MBD2: variants seen among roughly 807,000 people sequenced by gnomAD.
MBD2 encodes the protein methyl-CpG-binding domain protein 2.
MBD2 carries 9 observed loss-of-function variants against 39.3 expected under a neutral mutation model. That is an observed-to-expected ratio of 0.23 (90% CI 0.14 to 0.40). MBD2 has a LOEUF of 0.40. Among genes scored for constraint, MBD2 ranks in the 10% least tolerant of loss-of-function variants. MBD2 has a pLI of 1.00. For missense variants in MBD2, 458 were observed against 532.6 expected (o/e 0.86, Z 1.38); for synonymous variants, 233 against 211.1 (o/e 1.10, Z -0.90).
At position 54,154,861 on chromosome 18, in the gene MBD2, G is replaced by T. The variant is rs1568075656; in HGVS notation, c.*463C>A. 1 of 152,576 alleles carries T rather than the reference G, an allele frequency of 6.6e-6. No homozygotes were observed. The highest frequency in any genetic ancestry group is 1.5e-5 in the Non-Finnish European group (1 of 68,032). The allele number at this position is 152,576 out of a possible 1,614,324, so 9.5% of individuals were successfully genotyped here. On this transcript the variant is annotated 3_prime_UTR_variant, in exon 7 of 7. Coordinates refer to ENST00000256429, the MANE Select transcript of MBD2 (RefSeq NM_003927.5). Reference sequence around the variant, plus strand: ...AGTCTGTGAATATAATCATTTATTTGTCTTTACAGTGATGATGGAAGAATG... The same window carrying T: ...AGTCTGTGAATATAATCATTTATTTTTCTTTACAGTGATGATGGAAGAATG...
chr18:54,211,082 G>A (rs1444861260), intron 1 of MBD2, among the ~76,000 whole-genome samples: 10 of 150,890 alleles, frequency 6.6e-5, no homozygotes, highest in Non-Finnish European at 1.3e-4. Context: ...CGTTTTAGCC[G>A]GGATGGTCTC....
chr18:54,189,076 T>G (rs2086302010), intron 2 of MBD2, 65 bp from the exon 3 acceptor site: 1 of 1,052,794 alleles, frequency 9.5e-7, no homozygotes, highest in Non-Finnish European at 1.4e-6. Context: ...GACTTCCTAC[T>G]AATTCAATAT....
At chr18:54,199,211 C>A (rs754017056) in intron 2 of MBD2, among the ~76,000 whole-genome samples, 2 of 152,200 alleles carry the variant, frequency 1.3e-5, no homozygotes, top group South Asian at 2.1e-4. Flanking sequence ...TTCTGGAATT[C>A]TAAATAGGAC....
At chr18:54,223,983 A>ACCC in intron 1 of MBD2, 35 bp downstream of exon 1, 2 of 745,302 alleles carry the variant, frequency 2.7e-6, no homozygotes, top group Non-Finnish European at 4.5e-6. Flanking sequence ...CCCCGGCCTG[A>ACCC]CCCCGCCACC....
At chr18:54,160,713 C>A (rs1039237114) in intron 5 of MBD2, among the ~76,000 whole-genome samples, 1 of 148,220 alleles carries the variant, frequency 6.7e-6, no homozygotes, top group African/African-American at 2.5e-5. Context: ...ATTCCTAATA[C>A]GTGTCTAGCA....
chr18:54,220,130 G>A (rs1279553107), intron 1 of MBD2, among the ~76,000 whole-genome samples: 1 of 152,086 alleles, frequency 6.6e-6, no homozygotes, highest in Non-Finnish European at 1.5e-5. Context: ...AAAGGCAAGA[G>A]GGGGCTACTA....
chr18:54,207,834 G>A (rs531230947), intron 1 of MBD2, among the ~76,000 whole-genome samples: 13 of 151,012 alleles, frequency 8.6e-5, no homozygotes, highest in Non-Finnish European at 1.2e-4. Flanking sequence ...TCAGAAGATC[G>A]AGACCATCCT....
intron 2 of MBD2, 21 bp downstream of exon 2, chr18:54,204,977 G>A (rs2086437713): frequency 1.2e-6 from 2 of 1,607,482 alleles, no homozygotes; most frequent in Non-Finnish European, 1.7e-6. Flanking sequence ...GCATATACAT[G>A]CGATAAGTAA....
chr18:54,224,192 CG>C lies in MBD2; in HGVS notation c.367del (p.Arg123GlyfsTer42). 5 of 1,215,646 alleles carry C rather than the reference CG, an allele frequency of 4.1e-6. No homozygotes were observed. The highest frequency in any genetic ancestry group is 3.9e-5 in the South Asian group (1 of 25,386). The allele number at this position is 1,215,646 out of a possible 1,614,324, so 75.3% of individuals were successfully genotyped here. ...CGACGGGAAAGGGACCGGCTCCCGCCGGGGGGCGCCGCCGCCACCGCTGCCG... is the reference window on the plus strand; with the variant it reads ...CGACGGGAAAGGGACCGGCTCCCGCCGGGGGCGCCGCCGCCACCGCTGCCG... ...GGGSGGGGAP[R>X]REPVPFPSGS... On this transcript the variant is annotated frameshift_variant, in exon 1 of 7. Coordinates refer to ENST00000256429, the MANE Select transcript of MBD2 (RefSeq NM_003927.5). LOFTEE classifies it high-confidence loss of function.
Position 54,222,193 on chromosome 18 carries a change from G to A in MBD2, c.542+1825C>T, listed in dbSNP as rs2086619908. The A allele has an allele frequency of 1.9e-5, 6 of 312,704 alleles. 1 individual carries two copies. Among genetic ancestry groups the A allele is most frequent in the Non-Finnish European group, 3.9e-5 (6 of 154,092 alleles). 19.4% of individuals were successfully genotyped at this position (312,704 alleles called of 1,614,324 possible). Reference sequence around the variant, plus strand: ...TGTTAATGAAAGAATACTAGAAAACGAACAATTGTGAACGGCACTAAATGA... The same window carrying A: ...TGTTAATGAAAGAATACTAGAAAACAAACAATTGTGAACGGCACTAAATGA... On this transcript the variant is annotated intron_variant, in intron 1 of 6. Transcript: ENST00000256429.
At position 54,151,838 on chromosome 18, in the gene MBD2, A is replaced by AC. The variant is rs1568074570; in HGVS notation, c.*3485_*3486insG. On this transcript the variant is annotated 3_prime_UTR_variant, in exon 7 of 7. Coordinates refer to ENST00000256429, the MANE Select transcript of MBD2 (RefSeq NM_003927.5). ...AGATCTCCTCTTTAGACCAAAAAAAAAAAAAAAAACACCCTGGAAGCCACC... is the reference window on the plus strand; with the variant it reads ...AGATCTCCTCTTTAGACCAAAAAAAACAAAAAAAAACACCCTGGAAGCCACC... 6.6e-6 allele frequency: 1 copy of AC among 151,544 alleles called. No homozygotes were observed. Among genetic ancestry groups the AC allele is most frequent in the Non-Finnish European group, 1.5e-5 (1 of 67,878 alleles). The allele number at this position is 151,544 out of a possible 1,614,324, so 9.4% of individuals were successfully genotyped here.
At chr18:54,223,892 C>T (rs2144361939) in intron 1 of MBD2, 126 bp downstream of exon 1, 1 of 767,170 alleles carries the variant, frequency 1.3e-6, no homozygotes, top group Non-Finnish European at 2.0e-6. Flanking sequence ...CCACCTTCCA[C>T]CACCAAACCA....
chr18:54,199,766 G>A (rs1390034674), intron 2 of MBD2, among the ~76,000 whole-genome samples: 1 of 151,742 alleles, frequency 6.6e-6, no homozygotes, highest in Non-Finnish European at 1.5e-5. Flanking sequence ...ATTCATTCAG[G>A]CCATCTTTAT....
At chr18:54,161,355 C>T (rs2086096791) in intron 5 of MBD2, among the ~76,000 whole-genome samples, 1 of 152,190 alleles carries the variant, frequency 6.6e-6, no homozygotes, top group Non-Finnish European at 1.5e-5. Context: ...TAGCCTCTGT[C>T]ATATTAAAAG....
At chr18:54,204,552 T>A (rs1411619142) in intron 2 of MBD2, among the ~76,000 whole-genome samples, 1 of 152,180 alleles carries the variant, frequency 6.6e-6, no homozygotes, top group African/African-American at 2.4e-5. Flanking sequence ...ATTAGGATAT[T>A]ATTCAAAAAG....
At chr18:54,192,246 G>T (rs570718537) in intron 2 of MBD2, among the ~76,000 whole-genome samples, 5 of 152,222 alleles carry the variant, frequency 3.3e-5, no homozygotes, top group Admixed American at 2.6e-4. Context: ...TAATGTTTTT[G>T]TTCTTGAGAC....
intron 1 of MBD2, among the ~76,000 whole-genome samples, chr18:54,212,545 G>A (rs8086950): frequency 0.43 from 65,804 of 151,978 alleles, 14,749 homozygotes; most frequent in African/African-American, 0.52. Flanking sequence ...AAATTGGGAT[G>A]GGGATGAAAT....
rs1387783708 is a variant in MBD2, at chr18:54,163,450, T to G, written c.1109+1073A>C. 3.3e-5 allele frequency among the ~76,000 whole-genome samples: 5 copies of G among 152,156 alleles called. No homozygotes were observed. In the South Asian group the frequency reaches 1.0e-3, roughly 32 times the overall value. On this transcript the variant is annotated intron_variant, in intron 5 of 6. Coordinates refer to ENST00000256429, the MANE Select transcript of MBD2 (RefSeq NM_003927.5). The stretch of plus-strand genomic sequence containing the variant: ...TTAATATACTATAATATAATATAAA[T>G]GCAATATAGTACAGTATCACTATAA...
At chr18:54,181,323 C>A (rs2086250577) in intron 3 of MBD2, among the ~76,000 whole-genome samples, 1 of 152,156 alleles carries the variant, frequency 6.6e-6, no homozygotes, top group South Asian at 2.1e-4. Flanking sequence ...CAACATGCAA[C>A]AATTACTTTA....
Sources: allele counts gnomAD v4.1 joint callset (sites outside exome capture counted in the v4.1 genomes callset), GRCh38; gene constraint gnomAD v4.1.1; transcripts MANE v1.5; gene names NCBI Gene and HGNC (gene_info 2026-07-23, HGNC 2026-07-21).